MYH10: variants seen among roughly 807,000 people sequenced by gnomAD.
MYH10 encodes the protein myosin-10.
A neutral mutation model predicts 257.8 loss-of-function variants in MYH10; 55 were observed. That is an observed-to-expected ratio of 0.21 (90% CI 0.17 to 0.27). MYH10 has a LOEUF of 0.27. MYH10 is among the 10% of genes least tolerant of loss of function. The pLI, the probability that MYH10 is intolerant of heterozygous loss-of-function variation, is 1.00. For missense variants in MYH10, 1,631 were observed against 2,500.6 expected, an observed-to-expected ratio of 0.65 and a Z score of 7.42; for synonymous variants, 854 against 921.7, an observed-to-expected ratio of 0.93 and a Z score of 1.33.
rs566857821 is a variant in MYH10 at position 8,602,613 on chromosome 17, G to A, written c.502+2213C>T. On this transcript the variant is annotated intron_variant, in intron 3 of 42. Coordinates refer to ENST00000360416, the MANE Select transcript of MYH10 (RefSeq NM_001256012.3). ...ATACAAAGGGAAATTGTTTAGAGTG[G>A]GTTGTTTTCATTTTCTGTATCAAAC... 2.0e-5 allele frequency among the ~76,000 whole-genome samples: 3 copies of A among 152,122 alleles called. No individual in the cohort carries two copies. The East Asian group carries it at 5.8e-4, about 29-fold the overall frequency.
chr17:8,516,005 T>A (rs777041469), intron 21 of MYH10, among the ~76,000 whole-genome samples: 2 of 152,244 alleles, frequency 1.3e-5, no homozygotes, highest in Admixed American at 6.5e-5. Flanking sequence ...ACTGCCCTAG[T>A]TGCTTCTTTG....
intron 1 of MYH10, among the ~76,000 whole-genome samples, chr17:8,628,858 A>G (rs1365257227): frequency 1.3e-5 from 2 of 152,208 alleles, no homozygotes; most frequent in Non-Finnish European, 2.9e-5. Context: ...CTTCCATCTC[A>G]GCTGCCTTCG....
At chr17:8,575,895 T>C (rs2083480194) in intron 6 of MYH10, among the ~76,000 whole-genome samples, 1 of 152,254 alleles carries the variant, frequency 6.6e-6, no homozygotes, top group African/African-American at 2.4e-5. Context: ...TGCTATGGTC[T>C]GTGGAGCTAA....
chr17:8,545,646 C>T lies in MYH10; in HGVS notation c.1279-46G>A. 6.3e-7 allele frequency: 1 copy of T among 1,586,670 alleles called. No individual in the cohort carries two copies. The highest frequency in any genetic ancestry group is 8.6e-7 in the Non-Finnish European group (1 of 1,167,712). The stretch of plus-strand genomic sequence containing the variant: ...CCTTTTATTCTGGAAACAATCTCAA[C>T]AAAGCATAAATAGCTGTTTTACGGA... On this transcript the variant is annotated intron_variant, in intron 12 of 42. Coordinates refer to ENST00000360416, the MANE Select transcript of MYH10 (RefSeq NM_001256012.3). The surrounding 1 kb of genome is among the most constrained non-coding windows in gnomAD (Gnocchi z 4.7).
chr17:8,555,315 G>A (rs2082757879), intron 7 of MYH10, among the ~76,000 whole-genome samples: 1 of 152,110 alleles, frequency 6.6e-6, no homozygotes, highest in South Asian at 2.1e-4. Context: ...TTGGGAAATC[G>A]AAAAGGACTT....
chr17:8,553,488 T>C (rs1326674897), intron 8 of MYH10, among the ~76,000 whole-genome samples: 1 of 152,240 alleles, frequency 6.6e-6, no homozygotes, highest in Non-Finnish European at 1.5e-5. Flanking sequence ...GGCCATTCTA[T>C]GCAGGTGACA....
At chr17:8,567,589 T>C (rs2083203905) in intron 7 of MYH10, among the ~76,000 whole-genome samples, 1 of 152,068 alleles carries the variant, frequency 6.6e-6, no homozygotes, top group African/African-American at 2.4e-5. Context: ...AAAAGGGTCA[T>C]TAGGGTGCAC....
chr17:8,484,418 G>A, intron 36 of MYH10, 152 bp from the exon 37 acceptor site: 1 of 618,130 alleles, frequency 1.6e-6, no homozygotes, highest in East Asian at 3.1e-5. Flanking sequence ...GTGAGCTGCG[G>A]TGCCTGGCCC....
At position 8,474,261 on chromosome 17, in the gene MYH10, C is replaced by CT. The variant is rs1912145527; in HGVS notation, c.*1542dup. 6.6e-6 allele frequency: 1 copy of CT among 152,606 alleles called. No homozygotes were observed. The highest frequency in any genetic ancestry group is 2.1e-4 in the South Asian group (1 of 4,828). 9.5% of individuals were successfully genotyped at this position (152,606 alleles called of 1,614,324 possible). ...GAGGTCTCTTTATTCTCCACGGGTG[C>CT]TTTTTTCTTCAAGTAAACAGAGCAG... On this transcript the variant is annotated 3_prime_UTR_variant, in exon 43 of 43. Transcript: ENST00000360416.
intron 11 of MYH10, 25 bp from the exon 12 acceptor site, chr17:8,546,687 T>G: frequency 6.4e-7 from 1 of 1,570,514 alleles, no homozygotes; most frequent in Non-Finnish European, 8.8e-7. Flanking sequence ...GTCTCCTAAA[T>G]CCTACATTTT....
At chr17:8,488,830 CT>C (rs1689196725) in intron 35 of MYH10, among the ~76,000 whole-genome samples, 1 of 152,094 alleles carries the variant, frequency 6.6e-6, no homozygotes, top group African/African-American at 2.4e-5. Context: ...GGGGCTGTAC[CT>C]CAAGGCACAG....
chr17:8,548,258 T>TA, intron 11 of MYH10, 55 bp downstream of exon 11: 2 of 1,402,510 alleles, frequency 1.4e-6, no homozygotes, highest in South Asian at 1.2e-5. Flanking sequence ...AACACCTTCT[T>TA]AGAGAGCACA....
intron 6 of MYH10, among the ~76,000 whole-genome samples, chr17:8,574,460 G>A (rs1172364608): frequency 6.6e-6 from 1 of 152,172 alleles, no homozygotes; most frequent in Non-Finnish European, 1.5e-5. Context: ...GATAATAATT[G>A]CATAAAGTGA....
At chr17:8,478,786 AGTGGCG>A (rs1567763164) in intron 40 of MYH10, among the ~76,000 whole-genome samples, 1 of 152,198 alleles carries the variant, frequency 6.6e-6, no homozygotes, top group East Asian at 1.9e-4. Flanking sequence ...GCTGGGGTGC[AGTGGCG>A]CCATCTCTGC....
chr17:8,605,512 G>A (rs948193560), intron 2 of MYH10, among the ~76,000 whole-genome samples: 4 of 152,140 alleles, frequency 2.6e-5, no homozygotes, highest in East Asian at 1.9e-4. Context: ...TTGAGAGGCC[G>A]AGGAGGGTGG....
rs1299176368 is a variant in MYH10, at chr17:8,504,194, GCA to G, written c.3599+498_3599+499del. Among the ~76,000 whole-genome samples the G allele has an allele frequency of 6.6e-5, 10 of 152,142 alleles. No individual in the cohort carries two copies. Among genetic ancestry groups the G allele is most frequent in the Non-Finnish European group, 1.3e-4 (9 of 68,018 alleles). ...GATGCTGCATATGCCTCTGCCCACT[GCA>G]CACTCTGTCCCAGTGCGTGCACCAG... On this transcript the variant is annotated intron_variant, in intron 28 of 42. Coordinates refer to ENST00000360416, the MANE Select transcript of MYH10 (RefSeq NM_001256012.3). The surrounding 1 kb of genome is among the most constrained non-coding windows in gnomAD (Gnocchi z 5.6).
intron 25 of MYH10, 87 bp from the exon 26 acceptor site, chr17:8,508,764 C>G (rs1019434427): frequency 2.0e-6 from 3 of 1,529,608 alleles, no homozygotes; most frequent in Admixed American, 1.8e-5. Flanking sequence ...AACTTTGACT[C>G]GAGAGAAAAT....
At chr17:8,536,061 G>A (rs1417477420) in intron 14 of MYH10, 130 bp from the exon 15 acceptor site, 28 of 820,442 alleles carry the variant, frequency 3.4e-5, no homozygotes, top group Non-Finnish European at 5.1e-5. Context: ...AGGATGGAAA[G>A]GAATGTCTAA....
chr17:8,620,942 T>C (rs2085441472), intron 2 of MYH10, among the ~76,000 whole-genome samples: 1 of 152,318 alleles, frequency 6.6e-6, no homozygotes, highest in South Asian at 2.1e-4. Context: ...TGAGTTAAGT[T>C]GGAAAAAAAT....
Sources: gnomAD v4.1 joint callset for allele counts (sites outside exome capture counted in the v4.1 genomes callset) on GRCh38, gnomAD v4.1.1 for gene constraint, Gnocchi (gnomAD v3.1) non-coding constraint, MANE v1.5 for transcripts, NCBI Gene and HGNC (gene_info 2026-07-23, HGNC 2026-07-21) for gene names.